Variants in NRXN3 observed in about 807,000 individuals in gnomAD.
NRXN3 encodes neurexin 3.
NRXN3 carries 32 observed loss-of-function variants against 137.6 expected under a neutral mutation model. The ratio of observed to expected loss-of-function variants is 0.23; its 90% CI spans 0.18 to 0.31. NRXN3 has a LOEUF of 0.31. Among genes scored for constraint, NRXN3 ranks in the 10% least tolerant of loss-of-function variants. The pLI, the probability that NRXN3 is intolerant of heterozygous loss-of-function variation, is 1.00. For synonymous variants in NRXN3, 798 were observed against 784.5 expected (o/e 1.02, Z -0.29); for missense variants, 1,574 against 2,062.5 (o/e 0.76, Z 4.59).
At chr14:79,501,378 A>T (rs537691966) in intron 16 of NRXN3, among the ~76,000 whole-genome samples, 1 of 152,242 alleles carries the variant, frequency 6.6e-6, no homozygotes, top group Admixed American at 6.5e-5. Flanking sequence ...TATTAAGCGT[A>T]CATCTTCCCC....
At chr14:78,274,125 G>T (rs1002558622) in intron 2 of NRXN3, among the ~76,000 whole-genome samples, 3 of 152,142 alleles carry the variant, frequency 2.0e-5, no homozygotes, top group Non-Finnish European at 2.9e-5. Context: ...GGACTACCCC[G>T]GCTGAGCTAG....
intron 15 of NRXN3, among the ~76,000 whole-genome samples, chr14:79,193,795 G>A (rs2064754907): frequency 6.6e-6 from 1 of 152,174 alleles, no homozygotes; most frequent in Non-Finnish European, 1.5e-5. Flanking sequence ...TGAGTAAAGT[G>A]TTTTCTAATG....
chr14:79,299,908 A>G (rs987346381), intron 15 of NRXN3, among the ~76,000 whole-genome samples: 1 of 152,104 alleles, frequency 6.6e-6, no homozygotes, highest in Non-Finnish European at 1.5e-5. Flanking sequence ...GGGATATTTG[A>G]GCATCCATTC....
intron 19 of NRXN3, among the ~76,000 whole-genome samples, chr14:79,706,056 C>T (rs2154041460): frequency 6.6e-6 from 1 of 152,258 alleles, no homozygotes. Flanking sequence ...GAATCCAAGC[C>T]CCTGTTTCCC....
intron 16 of NRXN3, chr14:79,611,834 TA>T (rs1189923412): frequency 1.3e-5 from 2 of 152,192 alleles, no homozygotes; most frequent in African/African-American, 4.8e-5. Flanking sequence ...GTTTAATCTG[TA>T]AAATGGAAAA....
intron 15 of NRXN3, among the ~76,000 whole-genome samples, chr14:79,093,402 A>G (rs1175128462): frequency 6.6e-6 from 1 of 152,172 alleles, no homozygotes; most frequent in South Asian, 2.1e-4. Flanking sequence ...GTCATGGGAA[A>G]CAACTGAGAA....
intron 15 of NRXN3, among the ~76,000 whole-genome samples, chr14:79,007,380 C>G (rs965752997): frequency 1.7e-4 from 26 of 151,554 alleles, no homozygotes; most frequent in African/African-American, 6.1e-4. Context: ...GAAGAGAAGC[C>G]TCATGTGTAG....
intron 4 of NRXN3, among the ~76,000 whole-genome samples, chr14:78,495,965 A>G (rs2095775086): frequency 1.3e-5 from 2 of 152,172 alleles, no homozygotes; most frequent in South Asian, 4.1e-4. Context: ...GGCATGTTTT[A>G]CTTCTATTTA....
At chr14:78,772,332 T>C (rs990090796) in intron 8 of NRXN3, among the ~76,000 whole-genome samples, 1 of 152,190 alleles carries the variant, frequency 6.6e-6, no homozygotes, top group African/African-American at 2.4e-5. Flanking sequence ...ATATGTGATA[T>C]TGACGCACCA....
chr14:78,628,887 G>A (rs191853429), intron 4 of NRXN3, among the ~76,000 whole-genome samples: 2 of 152,252 alleles, frequency 1.3e-5, no homozygotes, highest in Non-Finnish European at 2.9e-5. Flanking sequence ...TCTTGTTTTG[G>A]TAGGAGAAAC....
intron 1 of NRXN3, among the ~76,000 whole-genome samples, chr14:78,203,593 C>T (rs550582483): frequency 1.3e-5 from 2 of 152,270 alleles, no homozygotes; most frequent in Admixed American, 1.3e-4. Flanking sequence ...CACCTGTGTT[C>T]GGAAACCTCA....
At chr14:79,198,705 C>T (rs1414713859) in intron 15 of NRXN3, among the ~76,000 whole-genome samples, 1 of 152,202 alleles carries the variant, frequency 6.6e-6, no homozygotes, top group East Asian at 1.9e-4. Flanking sequence ...CAGGAACTTT[C>T]TTCATTGTAG....
At chr14:79,734,950 G>T (rs1173070008) in intron 19 of NRXN3, among the ~76,000 whole-genome samples, 1 of 152,090 alleles carries the variant, frequency 6.6e-6, no homozygotes, top group Admixed American at 6.6e-5. Context: ...TTCTTATTAA[G>T]CCTACTAGGT....
chr14:79,147,558 G>T (rs2153019608), intron 15 of NRXN3, among the ~76,000 whole-genome samples: 1 of 152,194 alleles, frequency 6.6e-6, no homozygotes, highest in Admixed American at 6.5e-5. Context: ...AAGAGTGATT[G>T]TTAGGAATCT....
chr14:78,599,578 A>G (rs1566854358), intron 4 of NRXN3, among the ~76,000 whole-genome samples: 1 of 152,186 alleles, frequency 6.6e-6, no homozygotes, highest in Non-Finnish European at 1.5e-5. Flanking sequence ...CAGGATCACC[A>G]TTGATTCCTT....
At chr14:78,469,784 T>C (rs1387549704) in intron 4 of NRXN3, among the ~76,000 whole-genome samples, 2 of 152,220 alleles carry the variant, frequency 1.3e-5, no homozygotes, top group East Asian at 1.9e-4. Flanking sequence ...CAGTAGCACC[T>C]GAAAAATACA....
intron 6 of NRXN3, among the ~76,000 whole-genome samples, chr14:78,709,015 T>C (rs1285513440): frequency 6.6e-6 from 1 of 152,216 alleles, no homozygotes; most frequent in Non-Finnish European, 1.5e-5. Flanking sequence ...TGTAGAAATA[T>C]AGAGGCTTTT....
chr14:79,051,901 A>C (rs1196513964), intron 15 of NRXN3, among the ~76,000 whole-genome samples: 1 of 152,220 alleles, frequency 6.6e-6, no homozygotes, highest in Non-Finnish European at 1.5e-5. Context: ...GGCTAAGATG[A>C]ACAAGTTTGC....
chr14:78,747,850 T>C (rs1286497876), intron 8 of NRXN3, among the ~76,000 whole-genome samples: 2 of 152,238 alleles, frequency 1.3e-5, no homozygotes, highest in Non-Finnish European at 1.5e-5. Flanking sequence ...TATCCATTTC[T>C]GTCTCTTCTC....
Sources: allele counts gnomAD v4.1 joint callset (sites outside exome capture counted in the v4.1 genomes callset), GRCh38; gene constraint gnomAD v4.1.1; transcripts MANE v1.5; gene names NCBI Gene and HGNC (gene_info 2026-07-23, HGNC 2026-07-21).